CHD4: variants seen among roughly 807,000 people sequenced by gnomAD.
The protein encoded by CHD4 is chromodomain helicase DNA binding protein 4.
In CHD4, 35 loss-of-function variants were observed where a neutral mutation model predicts 235.5. That is an observed-to-expected ratio of 0.15 (90% CI 0.11 to 0.20). The LOEUF is 0.20. CHD4 is among the 10% of genes least tolerant of loss of function. CHD4 has a pLI of 1.00. For synonymous variants in CHD4, 900 were observed against 850.2 expected (o/e 1.06, Z -1.02); for missense variants, 1,329 against 2,432.3 (o/e 0.55, Z 9.54).
intron 12 of CHD4, 64 bp downstream of exon 12, chr12:6,597,830 T>G (rs1948526170): frequency 1.4e-6 from 2 of 1,434,814 alleles, no homozygotes; most frequent in African/African-American, 1.4e-5. Context: ...ACAGCCATTT[T>G]CCCAATCTCT....
chr12:6,579,130 C>G (rs2136197795), intron 33 of CHD4: 1 of 416,578 alleles, frequency 2.4e-6, no homozygotes, highest in South Asian at 2.7e-5. Context: ...GCCTGGCCAA[C>G]AAGGTGAACC....
At chr12:6,596,211 T>C (rs1321544976) in intron 12 of CHD4, 74 bp from the exon 13 acceptor site, 2 of 1,579,304 alleles carry the variant, frequency 1.3e-6, no homozygotes, top group Non-Finnish European at 1.7e-6. Flanking sequence ...AAACTGGCAA[T>C]ACCGTTTGTT....
At chr12:6,597,809 A>C in intron 12 of CHD4, 85 bp downstream of exon 12, 1 of 1,207,690 alleles carries the variant, frequency 8.3e-7, no homozygotes, top group Middle Eastern at 2.4e-4. Context: ...TCCAAGTCTA[A>C]GTTACTGGTG....
chr12:6,580,340 T>C (rs1948158492), intron 33 of CHD4: 1 of 152,138 alleles, frequency 6.6e-6, no homozygotes. Flanking sequence ...GTGTGTCGCT[T>C]CCTCCTGATA....
Position 6,602,386 on chromosome 12 carries a change from T to G in CHD4, c.212A>C (p.Gln71Pro), listed in dbSNP as rs749592811. 5.0e-6 allele frequency: 8 copies of G among 1,613,794 alleles called. No homozygotes were observed. In the South Asian group the frequency reaches 7.7e-5, roughly 16 times the overall value. ...CAGTCACCCACTCACCTCCTTTTTT[T>G]GGCGCTTGCTCTTAGGGATTTTAGG... ...RDPKIPKSKR[Q>P]KKERMLLCRQ... Residue 71 changes from glutamine (Q) to proline (P), a missense_variant, in exon 3 of 40, where the codon CAA (glutamine) becomes CCA (proline). Gln to Pro is a moderately conservative substitution (Grantham distance 76). Coordinates refer to ENST00000544040, the MANE Select transcript of CHD4 (RefSeq NM_001273.5).
At chr12:6,576,405 T>G (rs1948071663) in intron 37 of CHD4, among the ~76,000 whole-genome samples, 1 of 152,032 alleles carries the variant, frequency 6.6e-6, no homozygotes, top group Non-Finnish European at 1.5e-5. Context: ...TAGGCTGGAG[T>G]GCAATGGCAC....
chr12:6,592,880 A>G, intron 17 of CHD4, 63 bp from the exon 18 acceptor site: 1 of 1,571,572 alleles, frequency 6.4e-7, no homozygotes, highest in South Asian at 1.1e-5. Context: ...AATCTCTACA[A>G]AATTTCAAGT....
intron 21 of CHD4, 37 bp from the exon 22 acceptor site, chr12:6,591,620 G>C: frequency 6.2e-7 from 1 of 1,613,566 alleles, no homozygotes; most frequent in South Asian, 1.1e-5. Flanking sequence ...GGAAGAGTCA[G>C]ATGGTAATCC....
intron 29 of CHD4, 114 bp from the exon 30 acceptor site, chr12:6,582,395 A>G: frequency 7.4e-7 from 1 of 1,348,910 alleles, no homozygotes; most frequent in South Asian, 1.5e-5. Context: ...ACCTTGAGGT[A>G]AAGCCCACCA....
intron 17 of CHD4, 111 bp from the exon 18 acceptor site, chr12:6,592,928 A>G (rs1565612076): frequency 4.6e-6 from 7 of 1,515,776 alleles, no homozygotes; most frequent in Non-Finnish European, 6.2e-6. Flanking sequence ...CACTCCTCAC[A>G]TTCTTTTTAA....
intron 24 of CHD4, 28 bp from the exon 25 acceptor site, chr12:6,587,587 CA>C: frequency 6.2e-7 from 1 of 1,612,272 alleles, no homozygotes; most frequent in Non-Finnish European, 8.5e-7. Context: ...CCCACATCCC[CA>C]AAGTCAGTTT....
At position 6,588,279 on chromosome 12, in the gene CHD4, G is replaced by A; in HGVS notation, c.3465+19C>T. On this transcript the variant is annotated intron_variant, in intron 23 of 39. Coordinates refer to ENST00000544040, the MANE Select transcript of CHD4 (RefSeq NM_001273.5). ...GCATAACATGTTACTTATTAAGGCT[G>A]CCTGCTGCCTCTGCTCACCTGAATG... 1.2e-6 allele frequency: 2 copies of A among 1,611,926 alleles called. No individual in the cohort carries two copies. The highest frequency in any genetic ancestry group is 1.7e-5 in the Admixed American group (1 of 59,798).
chr12:6,600,713 G>A lies in CHD4; in HGVS notation c.928-44C>T, dbSNP rs992435679. ...ATAAGGTTAGACGTTCAAGCCAAGG[G>A]GAAGGACAGAGTGGCAGAGAGGGGA... is the stretch of plus-strand genomic sequence containing the variant. On this transcript the variant is annotated intron_variant, in intron 7 of 39. Coordinates refer to ENST00000544040, the MANE Select transcript of CHD4 (RefSeq NM_001273.5). The A allele has an allele frequency of 8.7e-6, 14 of 1,608,330 alleles. No homozygotes were observed. In the African/African-American group the frequency reaches 1.7e-4, roughly 20 times the overall value.
Position 6,600,919 on chromosome 12 carries a change from C to CTG in CHD4, c.927+6_927+7insCA, listed in dbSNP as rs907594819. 1.3e-6 allele frequency: 2 copies of CTG among 1,574,694 alleles called. No homozygotes were observed. Among genetic ancestry groups the CTG allele is most frequent in the African/African-American group, 2.7e-5 (2 of 73,166 alleles). On this transcript the variant is annotated splice_region_variant and intron_variant, in intron 7 of 39. Coordinates refer to ENST00000544040, the MANE Select transcript of CHD4 (RefSeq NM_001273.5). ...ACCCTCCCTAAAGCGATGGGCTGGG[C>CTG]TCTCACCGAGGATCTCTTACGCTTG...
chr12:6,576,397 G>A (rs1468793783), intron 37 of CHD4, among the ~76,000 whole-genome samples: 2 of 152,144 alleles, frequency 1.3e-5, no homozygotes, highest in African/African-American at 2.4e-5. Context: ...CCAATGCCTA[G>A]GCTGGAGTGC....
intron 15 of CHD4, among the ~76,000 whole-genome samples, chr12:6,594,080 C>T (rs1306585583): frequency 1.3e-5 from 2 of 152,162 alleles, no homozygotes; most frequent in Non-Finnish European, 2.9e-5. Context: ...GGTGATCCAC[C>T]AACCTCGGGC....
chr12:6,583,060 C>A lies in CHD4; in HGVS notation c.4114G>T (p.Glu1372Ter). Residue 1372 changes from glutamate to a stop codon, truncating the protein, a stop_gained, in exon 27 of 40, where the codon GAA becomes TAA. Transcript: ENST00000544040. LOFTEE classifies it high-confidence loss of function. ...NQSDYSVASE[E>*]GDEDFDERSE... is the part of the protein sequence containing the mutation. ...CGTTCATCAAAGTCTTCATCACCTT[C>A]CTCTGAAGCCACTGAGTAATCGGAC... 1 of 1,571,596 alleles carries A rather than the reference C, an allele frequency of 6.4e-7. No individual in the cohort carries two copies.
intron 38 of CHD4, 36 bp downstream of exon 38, chr12:6,573,038 G>A: frequency 6.3e-7 from 1 of 1,575,296 alleles, no homozygotes; most frequent in Non-Finnish European, 8.6e-7. Flanking sequence ...GATCAGGGAG[G>A]CCGAATCGGC....
At chr12:6,578,708 A>C in intron 34 of CHD4, 138 bp downstream of exon 34, 1 of 1,355,346 alleles carries the variant, frequency 7.4e-7, no homozygotes, top group Non-Finnish European at 1.0e-6. Flanking sequence ...ACTGACAACT[A>C]AATGTGGGGA....
Sources: allele counts gnomAD v4.1 joint callset (sites outside exome capture counted in the v4.1 genomes callset), GRCh38; gene constraint gnomAD v4.1.1; transcripts MANE v1.5; gene names NCBI Gene and HGNC (gene_info 2026-07-23, HGNC 2026-07-21).